Variants in CBL observed in about 807,000 individuals in gnomAD.
CBL encodes the protein Cbl proto-oncogene.
Under a neutral mutation model 96.9 loss-of-function variants are expected in CBL, and 45 were observed. The ratio of observed to expected loss-of-function variants is 0.46; its 90% CI spans 0.37 to 0.60. CBL has a LOEUF of 0.60. Ranked by LOEUF, CBL falls within the 20% of genes least tolerant of loss-of-function variation. CBL has a pLI of 0.00. For missense variants in CBL, 1,024 were observed against 1,143.5 expected, an observed-to-expected ratio of 0.90 and a Z score of 1.51; for synonymous variants, 420 against 426.8, an observed-to-expected ratio of 0.98 and a Z score of 0.20.
chr11:119,235,990 G>T (rs1251323037), intron 2 of CBL, among the ~76,000 whole-genome samples: 1 of 151,868 alleles, frequency 6.6e-6, no homozygotes. Context: ...AAATATATAG[G>T]GTTTTTGCGA....
At chr11:119,231,421 A>G (rs1171869061) in intron 1 of CBL, among the ~76,000 whole-genome samples, 2 of 151,698 alleles carry the variant, frequency 1.3e-5, no homozygotes, top group Non-Finnish European at 2.9e-5. Context: ...AACAAAAAAC[A>G]AACAAAGGGC....
chr11:119,306,896 T>C lies in CBL; in HGVS notation c.*7115T>C, dbSNP rs1384647576. 1.3e-5 allele frequency: 3 copies of C among 229,660 alleles called. No homozygotes were observed. Among genetic ancestry groups the C allele is most frequent in the Non-Finnish European group, 2.6e-5 (3 of 115,758 alleles). The allele number at this position is 229,660 out of a possible 1,614,324, so 14.2% of individuals were successfully genotyped here. ...TGGTGACTTGGGATTTTTAACCTTATATATCTTTTTCCTTTACTCAAAACA... is the reference window on the plus strand; with the variant it reads ...TGGTGACTTGGGATTTTTAACCTTACATATCTTTTTCCTTTACTCAAAACA... On this transcript the variant is annotated 3_prime_UTR_variant, in exon 16 of 16. Coordinates refer to ENST00000264033, the MANE Select transcript of CBL (RefSeq NM_005188.4).
intron 2 of CBL, among the ~76,000 whole-genome samples, chr11:119,238,955 T>C (rs1385884189): frequency 6.6e-6 from 1 of 152,168 alleles, no homozygotes; most frequent in Non-Finnish European, 1.5e-5. Context: ...TTTCCACTTA[T>C]ATTTTTATTC....
At chr11:119,229,731 GT>G (rs11297311) in intron 1 of CBL, among the ~76,000 whole-genome samples, 41,250 of 147,434 alleles carry the variant, frequency 0.28, 6,023 homozygotes, top group South Asian at 0.59. Flanking sequence ...GTTGTGTTTT[GT>G]TTTTTTTTTT....
At chr11:119,297,729 C>G (rs1189345478) in intron 14 of CBL, among the ~76,000 whole-genome samples, 1 of 152,288 alleles carries the variant, frequency 6.6e-6, no homozygotes, top group Non-Finnish European at 1.5e-5. Flanking sequence ...AGATTACAGG[C>G]GTGAGCCACC....
rs1203460082 is a variant in CBL at position 119,307,032 on chromosome 11, T to C, written c.*7251T>C. On this transcript the variant is annotated 3_prime_UTR_variant, in exon 16 of 16. Coordinates refer to ENST00000264033, the MANE Select transcript of CBL (RefSeq NM_005188.4). ...AGGACTTAATATGGAAATACCAGAGTCTGAGCTCCTCTACCTTGAGTTTCA... is the reference window on the plus strand; with the variant it reads ...AGGACTTAATATGGAAATACCAGAGCCTGAGCTCCTCTACCTTGAGTTTCA... 8.7e-6 allele frequency: 2 copies of C among 229,032 alleles called. No individual in the cohort carries two copies. Among genetic ancestry groups the C allele is most frequent in the Non-Finnish European group, 1.7e-5 (2 of 115,422 alleles). 14.2% of individuals were successfully genotyped at this position (229,032 alleles called of 1,614,324 possible). A position where few individuals can be genotyped will look rare whatever the true frequency, so the allele number is the denominator to read the frequency against.
intron 14 of CBL, among the ~76,000 whole-genome samples, chr11:119,297,820 C>CT (rs1950074523): frequency 1.3e-5 from 2 of 152,186 alleles, no homozygotes; most frequent in Non-Finnish European, 2.9e-5. Context: ...ATCCCCAATC[C>CT]TTTATTTCCT....
chr11:119,246,721 G>T (rs1418362454), intron 2 of CBL, among the ~76,000 whole-genome samples: 1 of 152,186 alleles, frequency 6.6e-6, no homozygotes, highest in South Asian at 2.1e-4. Flanking sequence ...CAAAGTGTTG[G>T]GATTACAGGT....
intron 2 of CBL, among the ~76,000 whole-genome samples, chr11:119,248,717 C>T (rs890924145): frequency 1.3e-5 from 2 of 152,066 alleles, no homozygotes; most frequent in African/African-American, 4.8e-5. Flanking sequence ...CAGAATGGGT[C>T]AAAATATTTA....
chr11:119,226,641 A>C (rs1949461691), intron 1 of CBL, among the ~76,000 whole-genome samples: 1 of 152,000 alleles, frequency 6.6e-6, no homozygotes, highest in South Asian at 2.1e-4. Flanking sequence ...CATTTTTCAT[A>C]GAGACGGAAT....
intron 1 of CBL, among the ~76,000 whole-genome samples, chr11:119,219,832 C>T (rs2135255707): frequency 6.7e-6 from 1 of 149,256 alleles, no homozygotes; most frequent in African/African-American, 2.5e-5. Context: ...TATAGGTGGG[C>T]ACCACCACGC....
intron 12 of CBL, among the ~76,000 whole-genome samples, chr11:119,289,337 G>A (rs181793511): frequency 2.2e-4 from 33 of 152,014 alleles, no homozygotes; most frequent in Non-Finnish European, 3.8e-4. Context: ...ATTTATTTGT[G>A]TTATCTGTAT....
chr11:119,215,930 G>C (rs777674593), intron 1 of CBL, among the ~76,000 whole-genome samples: 2 of 152,234 alleles, frequency 1.3e-5, no homozygotes, highest in African/African-American at 4.8e-5. Context: ...ATAGGTAGGA[G>C]TAGGCACCTG....
intron 1 of CBL, among the ~76,000 whole-genome samples, chr11:119,211,048 T>C (rs1425120106): frequency 6.6e-6 from 1 of 152,108 alleles, no homozygotes; most frequent in Non-Finnish European, 1.5e-5. Context: ...TACACTGTAG[T>C]AAAAGTTATA....
At chr11:119,220,424 C>T (rs766386987) in intron 1 of CBL, among the ~76,000 whole-genome samples, 10 of 152,120 alleles carry the variant, frequency 6.6e-5, no homozygotes, top group Non-Finnish European at 1.5e-4. Context: ...GCCTGGATAA[C>T]ATAGCAAGAC....
intron 1 of CBL, among the ~76,000 whole-genome samples, chr11:119,220,659 T>C (rs1332527354): frequency 6.6e-6 from 1 of 152,142 alleles, no homozygotes; most frequent in South Asian, 2.1e-4. Context: ...AGAGCATACA[T>C]TGTATTGAAT....
At chr11:119,226,426 G>GATTTTC (rs1949459139) in intron 1 of CBL, among the ~76,000 whole-genome samples, 1 of 152,120 alleles carries the variant, frequency 6.6e-6, no homozygotes, top group Non-Finnish European at 1.5e-5. Flanking sequence ...CTTTGATTTT[G>GATTTTC]TGGTTAAAAG....
intron 2 of CBL, among the ~76,000 whole-genome samples, chr11:119,247,432 A>G (rs1354740846): frequency 6.6e-6 from 1 of 152,260 alleles, no homozygotes; most frequent in Non-Finnish European, 1.5e-5. Context: ...ATAATTCTGT[A>G]TGTAGAAAAT....
At chr11:119,267,716 C>A (rs921403330) in intron 2 of CBL, among the ~76,000 whole-genome samples, 2 of 152,214 alleles carry the variant, frequency 1.3e-5, no homozygotes, top group Admixed American at 1.3e-4. Context: ...GCCATATTCA[C>A]CCCGAGCCTA....
Sources: allele counts gnomAD v4.1 joint callset (sites outside exome capture counted in the v4.1 genomes callset), GRCh38; gene constraint gnomAD v4.1.1; transcripts MANE v1.5; gene names NCBI Gene and HGNC (gene_info 2026-07-23, HGNC 2026-07-21).